SLC9A2: variants seen among roughly 807,000 people sequenced by gnomAD.
The protein encoded by SLC9A2 is solute carrier family 9 member A2, also known as sodium/hydrogen exchanger 2.
A neutral mutation model predicts 71.7 loss-of-function variants in SLC9A2; 42 were observed. The ratio of observed to expected loss-of-function variants is 0.59; its 90% CI spans 0.46 to 0.76. The LOEUF (loss-of-function observed/expected upper bound fraction) is 0.76, where lower values mean the gene tolerates loss of function less well. Among genes scored for constraint, SLC9A2 ranks in the 30% least tolerant of loss-of-function variants. The pLI, the probability that SLC9A2 is intolerant of heterozygous loss-of-function variation, is 0.00. For missense variants in SLC9A2, 829 were observed against 1,017.4 expected (o/e 0.81, Z 2.52); for synonymous variants, 396 against 392.5 (o/e 1.01, Z -0.10).
At chr2:102,651,065 G>T (rs946887285) in intron 1 of SLC9A2, among the ~76,000 whole-genome samples, 1 of 151,990 alleles carries the variant, frequency 6.6e-6, no homozygotes, top group Admixed American at 6.6e-5. Context: ...CTGATCATCT[G>T]TCTCACATCC....
chr2:102,633,687 A>G (rs1371287380), intron 1 of SLC9A2, among the ~76,000 whole-genome samples: 8 of 152,192 alleles, frequency 5.3e-5, no homozygotes, highest in Admixed American at 5.2e-4. Flanking sequence ...GAGCCAGACC[A>G]TGAGTCTAGA....
rs767896898 is a variant in SLC9A2 at position 102,657,856 on chromosome 2, C to T, written c.582C>T (p.Ile194=). The part of the protein sequence containing the change: ...IGVSLFGICQ[I]EAFGLSDITL... ...TGTCTTTGTTTGGTATCTGCCAGAT[C>T]GAAGCATTCGGCCTCAGCGACATCA... Residue 194 remains isoleucine, a synonymous_variant, in exon 2 of 12, where the codon ATC becomes ATT. Transcript: ENST00000233969. 38 of 1,614,076 alleles carry T rather than the reference C, an allele frequency of 2.4e-5. No individual in the cohort carries two copies. The South Asian group carries it at 3.6e-4, about 15-fold the overall frequency.
chr2:102,671,370 G>A (rs1677249492), intron 3 of SLC9A2, among the ~76,000 whole-genome samples: 1 of 152,124 alleles, frequency 6.6e-6, no homozygotes, highest in Admixed American at 6.6e-5. Context: ...GGGGTGGGAG[G>A]GGGAAAGGTA....
chr2:102,658,203 T>TA (rs2104520422), intron 2 of SLC9A2, among the ~76,000 whole-genome samples, 176 bp downstream of exon 2: 1 of 152,318 alleles, frequency 6.6e-6, no homozygotes, highest in East Asian at 1.9e-4. Flanking sequence ...TTATAATTCT[T>TA]AATACTTTTA....
intron 5 of SLC9A2, among the ~76,000 whole-genome samples, chr2:102,690,975 A>G (rs1367495525): frequency 6.7e-6 from 1 of 150,274 alleles, no homozygotes; most frequent in Non-Finnish European, 1.5e-5. Flanking sequence ...CTTCAAAAAA[A>G]AAAAAAAAAA....
At chr2:102,644,429 C>T (rs536407083) in intron 1 of SLC9A2, among the ~76,000 whole-genome samples, 3 of 152,254 alleles carry the variant, frequency 2.0e-5, no homozygotes, top group Admixed American at 6.5e-5. Context: ...GAGGCTCCCC[C>T]CCGCCCAGTG....
intron 6 of SLC9A2, 46 bp downstream of exon 6, chr2:102,694,549 A>AT: frequency 1.0e-6 from 1 of 981,374 alleles, no homozygotes; most frequent in Non-Finnish European, 1.5e-6. Flanking sequence ...AAGGAAAAAT[A>AT]TTTGAATCAG....
At chr2:102,680,463 T>C (rs1204413080) in intron 3 of SLC9A2, among the ~76,000 whole-genome samples, 1 of 152,146 alleles carries the variant, frequency 6.6e-6, no homozygotes, top group Non-Finnish European at 1.5e-5. Context: ...GATGCCACTT[T>C]CCAGGCTGTT....
chr2:102,620,409 C>T (rs1326413354), intron 1 of SLC9A2, among the ~76,000 whole-genome samples: 1 of 152,214 alleles, frequency 6.6e-6, no homozygotes, highest in Non-Finnish European at 1.5e-5. Flanking sequence ...GCACGGAACG[C>T]CAAGTTTGTC....
chr2:102,655,790 C>T (rs1676928368), intron 1 of SLC9A2, among the ~76,000 whole-genome samples: 1 of 152,220 alleles, frequency 6.6e-6, no homozygotes, highest in Non-Finnish European at 1.5e-5. Context: ...TATGTTTTCA[C>T]AGTTCCAGAG....
chr2:102,639,018 T>C (rs751353168), intron 1 of SLC9A2, among the ~76,000 whole-genome samples: 5 of 152,152 alleles, frequency 3.3e-5, no homozygotes, highest in Non-Finnish European at 7.3e-5. Context: ...ACCTTGTCTA[T>C]ACAAAAAATT....
intron 1 of SLC9A2, among the ~76,000 whole-genome samples, chr2:102,653,857 T>C (rs1240494081): frequency 1.3e-5 from 2 of 152,202 alleles, no homozygotes; most frequent in Non-Finnish European, 2.9e-5. Flanking sequence ...CCTTCTTACA[T>C]ATAGGAGGGG....
rs1012423723 is a variant in SLC9A2 at position 102,638,426 on chromosome 2, A to G, written c.289+18289A>G. On this transcript the variant is annotated intron_variant, in intron 1 of 11. Coordinates refer to ENST00000233969, the MANE Select transcript of SLC9A2 (RefSeq NM_003048.6). ...CATTGACAAATGTGGGAAGGACACT[A>G]TGGAATATCTAAGGGAAAGGGGTTT... 5.9e-5 allele frequency among the ~76,000 whole-genome samples: 9 copies of G among 152,324 alleles called. No homozygotes were observed. In the East Asian group the frequency reaches 9.6e-4, roughly 16 times the overall value.
chr2:102,651,241 A>G (rs1318501877), intron 1 of SLC9A2, among the ~76,000 whole-genome samples: 1 of 152,180 alleles, frequency 6.6e-6, no homozygotes, highest in Non-Finnish European at 1.5e-5. Context: ...TGTTTTTCAA[A>G]GGCAGCAGTG....
At chr2:102,668,710 G>A (rs559220875) in intron 3 of SLC9A2, among the ~76,000 whole-genome samples, 62 of 152,280 alleles carry the variant, frequency 4.1e-4, no homozygotes, top group African/African-American at 1.4e-3. Flanking sequence ...TGCTAGGCGG[G>A]GAGAGAGGTT....
chr2:102,699,396 T>C (rs1405227645), intron 7 of SLC9A2, among the ~76,000 whole-genome samples: 1 of 152,142 alleles, frequency 6.6e-6, no homozygotes, highest in Non-Finnish European at 1.5e-5. Flanking sequence ...GTGTAGGAAG[T>C]CACAGACCAT....
chr2:102,661,660 A>G (rs576528143), intron 2 of SLC9A2, among the ~76,000 whole-genome samples: 14 of 152,308 alleles, frequency 9.2e-5, no homozygotes, highest in African/African-American at 3.4e-4. Flanking sequence ...TAATATATAT[A>G]TGTTTGCAAT....
chr2:102,695,911 G>T lies in SLC9A2; in HGVS notation c.1586+798G>T, dbSNP rs113817784. The stretch of plus-strand genomic sequence containing the variant: ...CACAGAGTTTACCATTCTGTAAAAG[G>T]CTCTGTGTTGGATAAATACAATTCA... On this transcript the variant is annotated intron_variant, in intron 7 of 11. Transcript: ENST00000233969. Among the ~76,000 whole-genome samples the T allele has an allele frequency of 7.9e-4, 119 of 149,942 alleles. 1 individual carries two copies. The highest frequency in any genetic ancestry group is 2.3e-3 in the African/African-American group (92 of 40,582).
chr2:102,683,507 A>C, intron 4 of SLC9A2, 29 bp downstream of exon 4: 1 of 1,538,672 alleles, frequency 6.5e-7, no homozygotes, highest in Non-Finnish European at 9.0e-7. Context: ...CTAACTGGAC[A>C]TATGTAACAC....
Sources: gnomAD v4.1 joint callset for allele counts (sites outside exome capture counted in the v4.1 genomes callset) on GRCh38, gnomAD v4.1.1 for gene constraint, MANE v1.5 for transcripts, NCBI Gene and HGNC (gene_info 2026-07-23, HGNC 2026-07-21) for gene names.